EPHA4: variants seen among roughly 807,000 people sequenced by gnomAD.
EPHA4 encodes the protein ephrin type-A receptor 4.
Under a neutral mutation model 108.3 loss-of-function variants are expected in EPHA4, and 19 were observed. The observed-to-expected ratio is 0.18, with a 90% CI of 0.12 to 0.26. The LOEUF (loss-of-function observed/expected upper bound fraction) is 0.26. Ranked by LOEUF, EPHA4 falls within the 10% of genes least tolerant of loss-of-function variation. The pLI, the probability that EPHA4 is intolerant of heterozygous loss-of-function variation, is 1.00. For synonymous variants in EPHA4, 449 were observed against 455.5 expected (o/e 0.99, Z 0.18); for missense variants, 917 against 1,254.0 (o/e 0.73, Z 4.06).
intron 3 of EPHA4, among the ~76,000 whole-genome samples, chr2:221,509,736 A>ATAT (rs1351773303): frequency 1.1e-4 from 16 of 152,370 alleles, no homozygotes; most frequent in African/African-American, 3.6e-4. Context: ...GAATGTAAGT[A>ATAT]AAGAATGACA....
intron 6 of EPHA4, among the ~76,000 whole-genome samples, chr2:221,457,439 C>T (rs1458917925): frequency 6.6e-6 from 1 of 152,162 alleles, no homozygotes; most frequent in Non-Finnish European, 1.5e-5. Context: ...CAGTGATCTA[C>T]TTAAACAGAT....
At chr2:221,424,044 G>C (rs1173009349) in intron 17 of EPHA4, among the ~76,000 whole-genome samples, 1 of 151,948 alleles carries the variant, frequency 6.6e-6, no homozygotes, top group Non-Finnish European at 1.5e-5. Flanking sequence ...AGCCCAGGAG[G>C]CCAAGGTTGC....
chr2:221,518,405 T>C (rs1204995614), intron 3 of EPHA4, among the ~76,000 whole-genome samples: 1 of 152,236 alleles, frequency 6.6e-6, no homozygotes, highest in Admixed American at 6.5e-5. Flanking sequence ...TGAGGTTTCA[T>C]GTCTATCACC....
chr2:221,501,518 C>T (rs528706467), intron 3 of EPHA4, among the ~76,000 whole-genome samples: 4 of 152,264 alleles, frequency 2.6e-5, no homozygotes, highest in East Asian at 3.9e-4. Flanking sequence ...CACCCCTTTT[C>T]GACAGGCATT....
upstream of EPHA4, chr2:221,572,514 C>CG (rs11381413): frequency 1 from 257,484 of 257,516 alleles, 128,726 homozygotes; most frequent in Middle Eastern, 1. Context: ...CGAGCACGGC[C>CG]GGTCCCCGCC....
chr2:221,563,686 TC>T, intron 3 of EPHA4, 44 bp downstream of exon 3: 6 of 1,585,742 alleles, frequency 3.8e-6, no homozygotes, highest in Non-Finnish European at 5.2e-6. Context: ...ATTTAATTAC[TC>T]GCACTAAGCC....
intron 3 of EPHA4, among the ~76,000 whole-genome samples, chr2:221,513,414 G>A (rs1394331658): frequency 6.6e-6 from 1 of 152,124 alleles, no homozygotes; most frequent in Non-Finnish European, 1.5e-5. Context: ...TCATCCAAAC[G>A]ACTTTACAGC....
At chr2:221,483,535 T>TGTGTGTGTGTGTGAGA (rs574575643) in intron 4 of EPHA4, among the ~76,000 whole-genome samples, 2 of 150,194 alleles carry the variant, frequency 1.3e-5, no homozygotes, top group African/African-American at 4.9e-5. Flanking sequence ...TGTGTGTGTG[T>TGTGTGTGTGTGTGAGA]GATGGAGTCT....
chr2:221,535,452 A>G (rs1167152670), intron 3 of EPHA4, among the ~76,000 whole-genome samples: 1 of 152,220 alleles, frequency 6.6e-6, no homozygotes, highest in Non-Finnish European at 1.5e-5. Context: ...TAACAACCAT[A>G]TATTGACTTT....
intron 3 of EPHA4, among the ~76,000 whole-genome samples, chr2:221,531,527 AAC>A (rs1033686443): frequency 3.9e-5 from 6 of 152,180 alleles, no homozygotes; most frequent in Non-Finnish European, 7.3e-5. Context: ...TTCAAGATTG[AAC>A]AATAACAGAA....
chr2:221,562,769 GACAA>G (rs1043047943), intron 3 of EPHA4, among the ~76,000 whole-genome samples: 2 of 152,174 alleles, frequency 1.3e-5, no homozygotes, highest in Middle Eastern at 3.4e-3. Flanking sequence ...TTTCACACAT[GACAA>G]ACAATCTGTA....
At chr2:221,451,830 A>C (rs1690794137) in intron 8 of EPHA4, among the ~76,000 whole-genome samples, 2 of 152,222 alleles carry the variant, frequency 1.3e-5, no homozygotes, top group Non-Finnish European at 2.9e-5. Flanking sequence ...TAAATTTAGT[A>C]GTTTGATTCT....
At position 221,572,182 on chromosome 2, in the gene EPHA4, A is replaced by C. The variant is rs1181064271; in HGVS notation, c.67T>G (p.Ser23Ala). 3.1e-6 allele frequency: 5 copies of C among 1,613,988 alleles called. No individual in the cohort carries two copies. The highest frequency in any genetic ancestry group is 2.2e-5 in the East Asian group (1 of 44,872). Reference protein sequence around the residue: ...LFGICDAVTGSRVYPANEVTL... With the variant: ...LFGICDAVTGARVYPANEVTL... Reference sequence around the variant, plus strand: ...CCTTCATTCGCGGGGTATACCCTGGAACCTGTGACAGCGTCGCAAATCCCG... The same window carrying C: ...CCTTCATTCGCGGGGTATACCCTGGCACCTGTGACAGCGTCGCAAATCCCG... The change falls in exon 1 of 18, where the codon TCC becomes GCC. Residue 23 changes from serine to alanine, a missense_variant. By Grantham distance (99) the Ser-to-Ala change is moderately conservative. This residue lies in a region of EPHA4 where 758 missense variants were observed against 1,076.7 expected (regional missense o/e 0.70). Coordinates refer to ENST00000281821, the MANE Select transcript of EPHA4 (RefSeq NM_004438.5).
intron 8 of EPHA4, among the ~76,000 whole-genome samples, chr2:221,448,628 G>A (rs1559245279): frequency 6.6e-6 from 1 of 152,118 alleles, no homozygotes; most frequent in Admixed American, 6.6e-5. Context: ...TTTATGTCAG[G>A]AAAATGCCAT....
At chr2:221,471,151 T>C (rs1279191659) in intron 5 of EPHA4, among the ~76,000 whole-genome samples, 1 of 152,156 alleles carries the variant, frequency 6.6e-6, no homozygotes, top group Non-Finnish European at 1.5e-5. Flanking sequence ...AATTGAGAAT[T>C]GAGATGACTT....
intron 4 of EPHA4, among the ~76,000 whole-genome samples, chr2:221,488,951 G>A (rs1308797241): frequency 6.6e-6 from 1 of 152,184 alleles, no homozygotes; most frequent in Non-Finnish European, 1.5e-5. Flanking sequence ...AGAGAACACA[G>A]TTGCTGGCTT....
At chr2:221,510,393 C>A (rs1183977183) in intron 3 of EPHA4, among the ~76,000 whole-genome samples, 1 of 152,032 alleles carries the variant, frequency 6.6e-6, no homozygotes, top group Non-Finnish European at 1.5e-5. Context: ...TTCCTTCAAC[C>A]AATAGTTTCT....
At chr2:221,467,972 G>A (rs1354391473) in intron 5 of EPHA4, among the ~76,000 whole-genome samples, 8 of 152,274 alleles carry the variant, frequency 5.3e-5, no homozygotes, top group African/African-American at 1.9e-4. Context: ...GCCTGAGCAA[G>A]ATGATTGTTT....
intron 14 of EPHA4, among the ~76,000 whole-genome samples, chr2:221,431,165 T>A (rs1690064798): frequency 6.6e-6 from 1 of 152,260 alleles, no homozygotes; most frequent in Non-Finnish European, 1.5e-5. Context: ...CCTTTGTTTA[T>A]GGATATCCTC....
Sources: gnomAD v4.1 joint callset for allele counts (sites outside exome capture counted in the v4.1 genomes callset) on GRCh38, gnomAD v4.1.1 for gene constraint, gnomAD v4.1.1 regional missense constraint, MANE v1.5 for transcripts, NCBI Gene and HGNC (gene_info 2026-07-23, HGNC 2026-07-21) for gene names.